SLIT2: variants seen among roughly 807,000 people sequenced by gnomAD.
The protein encoded by SLIT2 is slit guidance ligand 2, also known as slit homolog 2 protein.
In SLIT2, 41 loss-of-function variants were observed where a neutral mutation model predicts 185.7. That is an observed-to-expected ratio of 0.22 (90% CI 0.17 to 0.29). The LOEUF (loss-of-function observed/expected upper bound fraction) is 0.29. Ranked by LOEUF, SLIT2 falls within the 10% of genes least tolerant of loss-of-function variation. The pLI is 1.00. For synonymous variants in SLIT2, 693 were observed against 680.2 expected (o/e 1.02, Z -0.29); for missense variants, 1,571 against 1,909.0 (o/e 0.82, Z 3.30).
At chr4:20,612,084 A>T (rs938365952) in intron 34 of SLIT2, among the ~76,000 whole-genome samples, 2 of 152,024 alleles carry the variant, frequency 1.3e-5, no homozygotes, top group African/African-American at 4.8e-5. Flanking sequence ...AACCAATTTT[A>T]AAAATACAGG....
chr4:20,422,975 T>C (rs1263341019), intron 4 of SLIT2, among the ~76,000 whole-genome samples: 2 of 152,112 alleles, frequency 1.3e-5, no homozygotes, highest in Non-Finnish European at 2.9e-5. Context: ...AAAATGTATG[T>C]TTAACCTATT....
chr4:20,388,463 G>A (rs912654214), intron 4 of SLIT2, among the ~76,000 whole-genome samples: 1 of 151,978 alleles, frequency 6.6e-6, no homozygotes, highest in African/African-American at 2.4e-5. Flanking sequence ...TAAGGAAGAG[G>A]AGCAGCATTA....
At chr4:20,616,822 G>C (rs1729691600) in intron 34 of SLIT2, 88 bp from the exon 35 acceptor site, 2 of 1,421,986 alleles carry the variant, frequency 1.4e-6, no homozygotes, top group Non-Finnish European at 9.5e-7. Flanking sequence ...TAGGTTGGCA[G>C]TGAGGTCCCA....
intron 4 of SLIT2, among the ~76,000 whole-genome samples, chr4:20,287,288 T>C (rs550889390): frequency 4.6e-5 from 7 of 152,130 alleles, no homozygotes; most frequent in Non-Finnish European, 7.3e-5. Flanking sequence ...CCTACCTGAT[T>C]GAACCCAAGA....
chr4:20,592,458 T>C (rs1213709131), intron 30 of SLIT2, among the ~76,000 whole-genome samples: 2 of 152,196 alleles, frequency 1.3e-5, no homozygotes, highest in African/African-American at 4.8e-5. Flanking sequence ...GGAATTCTTA[T>C]TTAAATTTTT....
intron 34 of SLIT2, among the ~76,000 whole-genome samples, chr4:20,611,933 C>T (rs1455030155): frequency 6.6e-6 from 1 of 152,178 alleles, no homozygotes; most frequent in East Asian, 1.9e-4. Context: ...CACTTCTTCA[C>T]ATAAAGCAGA....
intron 4 of SLIT2, among the ~76,000 whole-genome samples, chr4:20,388,163 A>G (rs1725082920): frequency 6.6e-6 from 1 of 152,124 alleles, no homozygotes; most frequent in South Asian, 2.1e-4. Flanking sequence ...GTTTTCTTAA[A>G]TATGGTATCA....
rs1187617493 is a variant in SLIT2, at chr4:20,616,997, A to C, written c.3935A>C (p.Tyr1312Ser). The change falls in exon 35 of 37, where the codon TAC becomes TCC. Residue 1312 changes from tyrosine to serine, a missense_variant. This residue lies in a region of SLIT2 where 146 missense variants were observed against 247.4 expected (regional missense o/e 0.59). Coordinates refer to ENST00000504154, the MANE Select transcript of SLIT2 (RefSeq NM_004787.4). ...TTCCACGGCTGCATCCGGAACCTTT[A>C]CATCAACAGTGAGCTGCAGGACTTC... ...TSFHGCIRNL[Y>S]INSELQDFQK... The C allele has an allele frequency of 6.2e-7, 1 of 1,613,986 alleles. No homozygotes were observed. Among genetic ancestry groups the C allele is most frequent in the Non-Finnish European group, 8.5e-7 (1 of 1,180,016 alleles).
chr4:20,552,428 T>A (rs1041655965), intron 25 of SLIT2: 4 of 151,574 alleles, frequency 2.6e-5, no homozygotes, highest in African/African-American at 9.7e-5. Flanking sequence ...ATACTTTAAG[T>A]TCTAGTGTAC....
intron 4 of SLIT2, among the ~76,000 whole-genome samples, chr4:20,417,156 G>A (rs1727748607): frequency 6.6e-6 from 1 of 151,738 alleles, no homozygotes; most frequent in South Asian, 2.1e-4. Flanking sequence ...TGGTGATCAT[G>A]GAAATTAAAT....
intron 4 of SLIT2, among the ~76,000 whole-genome samples, chr4:20,426,206 G>A (rs1207911535): frequency 2.0e-5 from 3 of 152,180 alleles, no homozygotes; most frequent in East Asian, 3.9e-4. Context: ...AACCTGGAAT[G>A]CGGAGGCAGT....
chr4:20,488,752 C>A, intron 7 of SLIT2, 67 bp from the exon 8 acceptor site: 1 of 1,098,742 alleles, frequency 9.1e-7, no homozygotes, highest in Non-Finnish European at 1.3e-6. Context: ...TTAAGAAATA[C>A]AGGTATATAT....
intron 6 of SLIT2, among the ~76,000 whole-genome samples, chr4:20,485,371 T>C (rs1410149918): frequency 6.6e-6 from 1 of 152,134 alleles, no homozygotes; most frequent in East Asian, 1.9e-4. Context: ...TGGGAAATAT[T>C]TGATGAATGA....
chr4:20,438,023 A>G (rs1729475922), intron 4 of SLIT2, among the ~76,000 whole-genome samples: 1 of 151,754 alleles, frequency 6.6e-6, no homozygotes, highest in Admixed American at 6.6e-5. Context: ...CTCTACATTC[A>G]CAATATATCC....
At chr4:20,492,122 T>A (rs1390723447) in intron 9 of SLIT2, among the ~76,000 whole-genome samples, 4 of 151,448 alleles carry the variant, frequency 2.6e-5, no homozygotes, top group African/African-American at 7.4e-5. Context: ...AAGGAATACA[T>A]TTTTTAGGAA....
chr4:20,306,437 A>G (rs190919308), intron 4 of SLIT2, among the ~76,000 whole-genome samples: 91 of 152,252 alleles, frequency 6.0e-4, no homozygotes, highest in Admixed American at 4.6e-3. Context: ...CCCTATGCAT[A>G]ATATATAGCA....
At chr4:20,341,252 T>A (rs762116064) in intron 4 of SLIT2, among the ~76,000 whole-genome samples, 33 of 152,212 alleles carry the variant, frequency 2.2e-4, no homozygotes, top group Non-Finnish European at 2.8e-4. Context: ...GTGTTCCCCT[T>A]CAGTACCCAT....
Position 20,536,602 on chromosome 4 carries a change from C to A in SLIT2, c.1833-2839C>A, listed in dbSNP as rs540779588. 3.6e-3 allele frequency among the ~76,000 whole-genome samples: 524 copies of A among 145,338 alleles called. 7 individuals are homozygous for A. The highest frequency in any genetic ancestry group is 5.3e-3 in the Non-Finnish European group (350 of 66,592). ...AAACAAAAACCACTGTACAACTGTACACTTAGGCTTCACTAAATTTATTTT... is the reference window on the plus strand; with the variant it reads ...AAACAAAAACCACTGTACAACTGTAAACTTAGGCTTCACTAAATTTATTTT... On this transcript the variant is annotated intron_variant, in intron 18 of 36. Coordinates refer to ENST00000504154, the MANE Select transcript of SLIT2 (RefSeq NM_004787.4).
intron 29 of SLIT2, among the ~76,000 whole-genome samples, chr4:20,583,440 C>T (rs572488065): frequency 1.1e-4 from 17 of 152,154 alleles, no homozygotes; most frequent in South Asian, 8.3e-4. Flanking sequence ...ACAAAGATAA[C>T]AAGATACTAG....
Sources: allele counts gnomAD v4.1 joint callset (sites outside exome capture counted in the v4.1 genomes callset), GRCh38; gene constraint gnomAD v4.1.1; regional missense constraint gnomAD v4.1.1; transcripts MANE v1.5; gene names NCBI Gene and HGNC (gene_info 2026-07-23, HGNC 2026-07-21).